The following THSD7B variants were observed in gnomAD, a reference collection of about 807,000 sequenced individuals.
The protein encoded by THSD7B is thrombospondin type-1 domain-containing protein 7B.
A neutral mutation model predicts 213.6 loss-of-function variants in THSD7B; 138 were observed. The observed-to-expected ratio is 0.65, with a 90% CI of 0.56 to 0.74. The LOEUF is 0.74. Ranked by LOEUF, THSD7B falls within the 30% of genes least tolerant of loss-of-function variation. THSD7B has a pLI of 0.00. For missense variants in THSD7B, 1,931 were observed against 1,991.5 expected, an observed-to-expected ratio of 0.97 and a Z score of 0.58; for synonymous variants, 742 against 687.0, an observed-to-expected ratio of 1.08 and a Z score of -1.25.
intron 1 of THSD7B, among the ~76,000 whole-genome samples, chr2:136,811,396 G>A (rs1452087418): frequency 6.6e-6 from 1 of 152,100 alleles, no homozygotes; most frequent in Non-Finnish European, 1.5e-5. Context: ...TGAGGGTGAG[G>A]ACTCATGCCC....
chr2:137,048,330 C>A (rs1247653266), intron 2 of THSD7B, among the ~76,000 whole-genome samples: 3 of 152,008 alleles, frequency 2.0e-5, no homozygotes, highest in East Asian at 3.9e-4. Flanking sequence ...CTTAAAATTG[C>A]AGTTTCAAAA....
chr2:137,577,873 A>T (rs1681496092), intron 17 of THSD7B, among the ~76,000 whole-genome samples: 1 of 152,206 alleles, frequency 6.6e-6, no homozygotes, highest in African/African-American at 2.4e-5. Flanking sequence ...ATCAAAAGTT[A>T]ATTAACTGAT....
At position 137,318,171 on chromosome 2, in the gene THSD7B, A is replaced by T. The variant is rs536481008; in HGVS notation, c.2500+42145A>T. The stretch of plus-strand genomic sequence containing the variant: ...AAATACAAGGTTTTGATTTTGCTTC[A>T]AGCATGATTAAATCTGGAGACTCAA... On this transcript the variant is annotated intron_variant, in intron 12 of 27. Coordinates refer to ENST00000409968, the MANE Select transcript of THSD7B (RefSeq NM_001316349.2). 8.2e-4 allele frequency among the ~76,000 whole-genome samples: 125 copies of T among 152,278 alleles called. 1 individual carries two copies. Among genetic ancestry groups the T allele is most frequent in the African/African-American group, 3.0e-3 (124 of 41,556 alleles).
intron 15 of THSD7B, among the ~76,000 whole-genome samples, chr2:137,543,259 G>A (rs1044353975): frequency 7.2e-5 from 11 of 151,870 alleles, no homozygotes; most frequent in Non-Finnish European, 1.5e-4. Flanking sequence ...AACCATATAC[G>A]CAAAGTCTTT....
At chr2:137,590,522 T>C (rs1222584790) in intron 17 of THSD7B, among the ~76,000 whole-genome samples, 2 of 152,168 alleles carry the variant, frequency 1.3e-5, no homozygotes, top group East Asian at 3.8e-4. Flanking sequence ...TTTGTGTATG[T>C]GTGTGTTTGT....
intron 5 of THSD7B, among the ~76,000 whole-genome samples, chr2:137,147,037 A>G (rs146115903): frequency 1.3e-5 from 2 of 152,284 alleles, no homozygotes; most frequent in Non-Finnish European, 1.5e-5. Flanking sequence ...AGATTTTTAT[A>G]AAGTATAAAT....
At chr2:136,907,510 A>G (rs1684185129) in intron 2 of THSD7B, among the ~76,000 whole-genome samples, 2 of 152,218 alleles carry the variant, frequency 1.3e-5, no homozygotes, top group South Asian at 4.1e-4. Flanking sequence ...CAGGAATTTG[A>G]TAGCCAACAG....
intron 4 of THSD7B, among the ~76,000 whole-genome samples, chr2:137,104,604 A>G (rs1688212485): frequency 6.6e-6 from 1 of 152,212 alleles, no homozygotes; most frequent in Admixed American, 6.5e-5. Flanking sequence ...CTTCAAAAAA[A>G]TCAATGAATC....
intron 17 of THSD7B, among the ~76,000 whole-genome samples, chr2:137,615,357 A>C (rs1219707352): frequency 6.6e-6 from 1 of 152,200 alleles, no homozygotes; most frequent in Admixed American, 6.5e-5. Context: ...GACTGACAGG[A>C]GTGAGGCTTG....
intron 4 of THSD7B, among the ~76,000 whole-genome samples, chr2:137,111,392 T>C (rs1461605655): frequency 6.6e-6 from 1 of 152,192 alleles, no homozygotes; most frequent in African/African-American, 2.4e-5. Flanking sequence ...ATTGAGTAAA[T>C]GGGTTTGCCA....
chr2:137,565,856 C>T (rs1029444858), intron 16 of THSD7B, among the ~76,000 whole-genome samples: 1 of 152,096 alleles, frequency 6.6e-6, no homozygotes, highest in African/African-American at 2.4e-5. Context: ...CTGATTATGT[C>T]CCAATGGCTC....
chr2:136,830,689 CA>C (rs1263502464), intron 1 of THSD7B, among the ~76,000 whole-genome samples: 3 of 152,160 alleles, frequency 2.0e-5, no homozygotes, highest in Non-Finnish European at 4.4e-5. Context: ...CTCTTCTAAA[CA>C]CCTTTACTTA....
chr2:136,953,727 A>G (rs757598752), intron 2 of THSD7B, among the ~76,000 whole-genome samples: 1 of 152,176 alleles, frequency 6.6e-6, no homozygotes, highest in African/African-American at 2.4e-5. Flanking sequence ...TGTAAACCCA[A>G]AGCCTGCAAA....
At chr2:137,304,424 G>C (rs62171154) in intron 12 of THSD7B, among the ~76,000 whole-genome samples, 9,342 of 151,980 alleles carry the variant, frequency 0.061, 538 homozygotes, top group African/African-American at 0.14. Context: ...TTAAAAATAA[G>C]AATAAATTTT....
At chr2:137,628,580 A>G (rs1682679469) in intron 20 of THSD7B, among the ~76,000 whole-genome samples, 1 of 149,234 alleles carries the variant, frequency 6.7e-6, no homozygotes, top group Non-Finnish European at 1.5e-5. Flanking sequence ...GATGTCTTTC[A>G]TTGAAACAGT....
chr2:136,979,199 C>T (rs888143927), intron 2 of THSD7B, among the ~76,000 whole-genome samples: 2 of 151,866 alleles, frequency 1.3e-5, no homozygotes, highest in African/African-American at 4.8e-5. Flanking sequence ...GGTGACCTGA[C>T]CTTTCTTTCT....
At chr2:137,341,427 A>G (rs1164953073) in intron 12 of THSD7B, among the ~76,000 whole-genome samples, 1 of 151,368 alleles carries the variant, frequency 6.6e-6, no homozygotes, top group Non-Finnish European at 1.5e-5. Flanking sequence ...TGCTATGTAG[A>G]AGCTTTTTAG....
In THSD7B at chr2:137,625,737, C is replaced by A. The variant is rs550807978; in HGVS notation, c.3799+5011C>A. On this transcript the variant is annotated intron_variant, in intron 20 of 27. Coordinates refer to ENST00000409968, the MANE Select transcript of THSD7B (RefSeq NM_001316349.2). ...GGCTTTTTCAGGTGGGCATTGCACA[C>A]TGCCAATGGCTCTACAGTCTGGGGT... is the stretch of plus-strand genomic sequence containing the variant. 3.3e-5 allele frequency among the ~76,000 whole-genome samples: 5 copies of A among 152,300 alleles called. No individual in the cohort carries two copies. The South Asian group carries it at 6.2e-4, about 19-fold the overall frequency.
chr2:136,784,406 AT>A (rs58736583), intron 1 of THSD7B, among the ~76,000 whole-genome samples: 71 of 149,754 alleles, frequency 4.7e-4, no homozygotes, highest in African/African-American at 1.6e-3. Flanking sequence ...CTAGGCACAG[AT>A]TTTTTTTTTG....
Sources: allele counts gnomAD v4.1 joint callset (sites outside exome capture counted in the v4.1 genomes callset), GRCh38; gene constraint gnomAD v4.1.1; transcripts MANE v1.5; gene names NCBI Gene and HGNC (gene_info 2026-07-23, HGNC 2026-07-21).